Variants in AOAH observed in about 807,000 individuals in gnomAD.
The protein encoded by AOAH is acyloxyacyl hydrolase (neutrophil).
In AOAH, 64 loss-of-function variants were observed where a neutral mutation model predicts 92.2. The observed-to-expected ratio is 0.69, with a 90% CI of 0.57 to 0.86. The LOEUF (loss-of-function observed/expected upper bound fraction) is 0.86, where lower values mean the gene tolerates loss of function less well. AOAH is among the 40% of genes least tolerant of loss of function. AOAH has a pLI of 0.00. For missense variants in AOAH, 656 were observed against 694.6 expected (o/e 0.94, Z 0.62); for synonymous variants, 263 against 254.5 (o/e 1.03, Z -0.32).
intron 11 of AOAH, among the ~76,000 whole-genome samples, chr7:36,599,006 C>T (rs1210894722): frequency 6.6e-6 from 1 of 152,120 alleles, no homozygotes; most frequent in Non-Finnish European, 1.5e-5. Flanking sequence ...AAAAATTTTC[C>T]AAACTTAAAG....
chr7:36,714,290 C>G (rs1317730742), intron 1 of AOAH, among the ~76,000 whole-genome samples: 1 of 152,138 alleles, frequency 6.6e-6, no homozygotes, highest in African/African-American at 2.4e-5. Flanking sequence ...GAAGTTGAAT[C>G]TCTTAATAGA....
chr7:36,559,183 C>A (rs1273585800), intron 13 of AOAH, among the ~76,000 whole-genome samples: 1 of 152,248 alleles, frequency 6.6e-6, no homozygotes, highest in East Asian at 1.9e-4. Context: ...CATGTCTTTG[C>A]TATTGTGAAT....
In AOAH at chr7:36,513,342, C is replaced by G; in HGVS notation, c.1638G>C (p.Lys546Asn). ...GGATTTGGGGCCACTGGAGCTGCAC[C>G]TTTTTCCAGAAATGATCCGCCAACA... is the stretch of plus-strand genomic sequence containing the variant. ...LLLLADHFWK[K>N]VQLQWPQILG... Residue 546 changes from lysine (K) to asparagine (N), a missense_variant, in exon 21 of 21, where the codon AAG becomes AAC. Physicochemically the swap from Lys to Asn is moderately conservative, Grantham distance 94. Transcript: ENST00000617537. 6.2e-7 allele frequency: 1 copy of G among 1,614,072 alleles called. No individual in the cohort carries two copies. The highest frequency in any genetic ancestry group is 8.5e-7 in the Non-Finnish European group (1 of 1,180,010).
chr7:36,523,357 G>A (rs1424648705), intron 19 of AOAH, among the ~76,000 whole-genome samples: 2 of 152,154 alleles, frequency 1.3e-5, no homozygotes, highest in East Asian at 1.9e-4. Context: ...TATGGTGTCC[G>A]CCACACAGAG....
chr7:36,722,187 A>G (rs537341967), intron 1 of AOAH, among the ~76,000 whole-genome samples: 22 of 152,342 alleles, frequency 1.4e-4, no homozygotes, highest in African/African-American at 5.0e-4. Flanking sequence ...TTTCACCCAT[A>G]AAATCATAAT....
At chr7:36,520,015 C>T (rs1295012443) in intron 20 of AOAH, among the ~76,000 whole-genome samples, 1 of 152,194 alleles carries the variant, frequency 6.6e-6, no homozygotes, top group African/African-American at 2.4e-5. Context: ...AGGCTTTAGG[C>T]CTGGCTATCC....
At chr7:36,641,400 T>C (rs1793905778) in intron 4 of AOAH, among the ~76,000 whole-genome samples, 1 of 152,166 alleles carries the variant, frequency 6.6e-6, no homozygotes, top group Non-Finnish European at 1.5e-5. Context: ...CTCTCAGAGC[T>C]CCTGGGCAGG....
chr7:36,668,034 C>T lies in AOAH; in HGVS notation c.290+5909G>A, dbSNP rs185464917. 3.2e-3 allele frequency among the ~76,000 whole-genome samples: 490 copies of T among 152,276 alleles called. 2 individuals carry two copies. The highest frequency in any genetic ancestry group is 0.011 in the African/African-American group (472 of 41,560). ...CTGTTTCTTAGTTGGTGCATTTAAA[C>T]CATTGACAGTCAAAATGATTATTGA... On this transcript the variant is annotated intron_variant, in intron 3 of 20. Transcript: ENST00000617537.
At chr7:36,706,455 T>C (rs1414825036) in intron 1 of AOAH, among the ~76,000 whole-genome samples, 1 of 151,948 alleles carries the variant, frequency 6.6e-6, no homozygotes, top group Non-Finnish European at 1.5e-5. Flanking sequence ...ACAAGCAGAG[T>C]AGATTTAGAA....
intron 1 of AOAH, among the ~76,000 whole-genome samples, chr7:36,714,666 G>C (rs1173448467): frequency 1.3e-5 from 2 of 152,174 alleles, no homozygotes; most frequent in African/African-American, 4.8e-5. Flanking sequence ...TGCAAGGCTG[G>C]TTCAACATAT....
chr7:36,674,730 G>A (rs1429746174), intron 2 of AOAH, among the ~76,000 whole-genome samples: 1 of 152,184 alleles, frequency 6.6e-6, no homozygotes, highest in Non-Finnish European at 1.5e-5. Context: ...CAGATCAGCT[G>A]TCCTGGAAAG....
chr7:36,522,299 G>T (rs993376126), intron 19 of AOAH, among the ~76,000 whole-genome samples, 184 bp from the exon 20 acceptor site: 3 of 152,232 alleles, frequency 2.0e-5, no homozygotes, highest in East Asian at 1.9e-4. Context: ...CGCTGTGTGT[G>T]TGCTTTTTCT....
intron 20 of AOAH, 21 bp downstream of exon 20, chr7:36,522,018 C>A (rs1306691309): frequency 1.4e-5 from 22 of 1,603,508 alleles, no homozygotes; most frequent in Non-Finnish European, 1.9e-5. Context: ...CCTTCTGCAG[C>A]CACCATGTGA....
chr7:36,549,531 T>A, intron 13 of AOAH, 56 bp from the exon 14 acceptor site: 2 of 1,212,568 alleles, frequency 1.6e-6, no homozygotes, highest in Non-Finnish European at 2.4e-6. Flanking sequence ...TTTCACACTA[T>A]CAATATGGGA....
chr7:36,640,051 TC>T (rs1793796027), intron 4 of AOAH, among the ~76,000 whole-genome samples: 1 of 152,098 alleles, frequency 6.6e-6, no homozygotes, highest in African/African-American at 2.4e-5. Context: ...TTGTGTGTCC[TC>T]CCGGGAGGTC....
chr7:36,678,600 T>TGTGTGTGTGCGCGCGCGC (rs549317369), intron 2 of AOAH, among the ~76,000 whole-genome samples: 6 of 131,030 alleles, frequency 4.6e-5, no homozygotes, highest in South Asian at 2.8e-4. Flanking sequence ...TGTGTGTGTG[T>TGTGTGTGTGCGCGCGCGC]GCGCGCGCGC....
chr7:36,681,257 G>A (rs979997912), intron 2 of AOAH, among the ~76,000 whole-genome samples: 1 of 151,996 alleles, frequency 6.6e-6, no homozygotes, highest in Non-Finnish European at 1.5e-5. Context: ...AAAATACAAA[G>A]TAAAGCTTAT....
intron 20 of AOAH, among the ~76,000 whole-genome samples, chr7:36,515,935 CA>C (rs1562852168): frequency 6.8e-6 from 1 of 147,922 alleles, no homozygotes; most frequent in Non-Finnish European, 1.5e-5. Flanking sequence ...ACATCACACA[CA>C]CCCCCACATC....
chr7:36,532,843 A>G (rs1159269132), intron 16 of AOAH, among the ~76,000 whole-genome samples: 1 of 152,130 alleles, frequency 6.6e-6, no homozygotes, highest in Non-Finnish European at 1.5e-5. Flanking sequence ...GCCTGGCAGG[A>G]CATTCTGAGT....
Sources: gnomAD v4.1 joint callset for allele counts (sites outside exome capture counted in the v4.1 genomes callset) on GRCh38, gnomAD v4.1.1 for gene constraint, MANE v1.5 for transcripts, NCBI Gene and HGNC (gene_info 2026-07-23, HGNC 2026-07-21) for gene names.